The following UBE2L6 variants were observed in gnomAD, a reference collection of about 807,000 sequenced individuals.
UBE2L6 encodes ubiquitin/ISG15-conjugating enzyme E2 L6.
In UBE2L6, 11 loss-of-function variants were observed where a neutral mutation model predicts 13.6. The observed-to-expected ratio is 0.81, with a 90% CI of 0.51 to 1.34. UBE2L6 has a LOEUF of 1.34. Among genes scored for constraint, UBE2L6 ranks in the 40% most tolerant of loss-of-function variants. The pLI, the probability that UBE2L6 is intolerant of heterozygous loss-of-function variation, is 0.00. For missense variants in UBE2L6, 197 were observed against 199.5 expected (o/e 0.99, Z 0.07); for synonymous variants, 74 against 83.2 (o/e 0.89, Z 0.60).
At chr11:57,566,876 A>G (rs1227123626) in intron 1 of UBE2L6, 2 of 409,134 alleles carry the variant, frequency 4.9e-6, no homozygotes, top group Non-Finnish European at 9.9e-6. Flanking sequence ...ATCCTTCCAG[A>G]TCTTATTTCA....
intron 2 of UBE2L6, among the ~76,000 whole-genome samples, chr11:57,556,086 G>C (rs1332953362): frequency 6.6e-6 from 1 of 152,170 alleles, no homozygotes; most frequent in Non-Finnish European, 1.5e-5. Context: ...GCTGTCCTGT[G>C]CTAAGGGTTT....
chr11:57,554,776 G>A (rs1944985031), intron 2 of UBE2L6, among the ~76,000 whole-genome samples, 153 bp from the exon 3 acceptor site: 1 of 152,332 alleles, frequency 6.6e-6, no homozygotes, highest in South Asian at 2.1e-4. Flanking sequence ...TTGAGTCATG[G>A]ATTAGTGAAA....
chr11:57,554,599 C>T lies in UBE2L6; in HGVS notation c.148G>A (p.Ala50Thr), dbSNP rs199916226. ...GGGAAGCTGATGCGCAGGTTGAAGG[C>T]TTTCAGGTGGTAGGGAGGTTGGTCC... ...LPDQPPYHLK[A>T]FNLRISFPPE... Residue 50 changes from alanine to threonine, a missense_variant, in exon 3 of 4, where the codon GCC becomes ACC. Physicochemically the swap from Ala to Thr is moderately conservative, Grantham distance 58 (BLOSUM62 0). Transcript: ENST00000287156. 6.2e-7 allele frequency: 1 copy of T among 1,614,136 alleles called. No individual in the cohort carries two copies. Among genetic ancestry groups the T allele is most frequent in the South Asian group, 1.1e-5 (1 of 91,080 alleles).
At chr11:57,552,699 A>G (rs961202196) in intron 3 of UBE2L6, among the ~76,000 whole-genome samples, 190 bp from the exon 4 acceptor site, 2 of 152,186 alleles carry the variant, frequency 1.3e-5, no homozygotes, top group African/African-American at 4.8e-5. Context: ...GACTGATTAC[A>G]TCAGTGGTTT....
rs972666870 is a variant in UBE2L6 at position 57,551,804 on chromosome 11, C to T, written c.*554G>A. 1.3e-5 allele frequency: 2 copies of T among 152,698 alleles called. No homozygotes were observed. The highest frequency in any genetic ancestry group is 2.4e-5 in the African/African-American group (1 of 41,432). 9.5% of individuals were successfully genotyped at this position (152,698 alleles called of 1,614,324 possible). ...AACAGGATGGCAAGTGGTTTTGAAA[C>T]ATATAGATTTTCAGGATGGAAGTTT... On this transcript the variant is annotated 3_prime_UTR_variant, in exon 4 of 4. Transcript: ENST00000287156.
intron 1 of UBE2L6, chr11:57,566,943 G>GT: frequency 1.3e-5 from 1 of 75,876 alleles, no homozygotes; most frequent in Non-Finnish European, 2.7e-5. Flanking sequence ...GTTCATCTCT[G>GT]CCCGCCCCCC....
upstream of UBE2L6, chr11:57,567,706 C>T (rs1945105012): frequency 6.8e-7 from 1 of 1,467,554 alleles, no homozygotes. Flanking sequence ...GACCCCACCC[C>T]CGGCAGCCCC....
intron 1 of UBE2L6, among the ~76,000 whole-genome samples, chr11:57,565,500 GACT>G (rs1251993401): frequency 1.3e-5 from 2 of 151,408 alleles, no homozygotes; most frequent in East Asian, 3.9e-4. Context: ...AAGTAGCTAG[GACT>G]ACAGCAGTGT....
chr11:57,554,221 G>A (rs935942735), intron 3 of UBE2L6, among the ~76,000 whole-genome samples: 2 of 152,178 alleles, frequency 1.3e-5, no homozygotes, highest in African/African-American at 4.8e-5. Context: ...CCGCAGCAAC[G>A]TTCCTCTGTC....
At chr11:57,560,722 G>A (rs1476327129) in intron 1 of UBE2L6, among the ~76,000 whole-genome samples, 1 of 151,182 alleles carries the variant, frequency 6.6e-6, no homozygotes, top group East Asian at 1.9e-4. Context: ...CTGGGTTCAC[G>A]CCATTCTCCT....
chr11:57,566,084 T>A (rs1337247903), intron 1 of UBE2L6, among the ~76,000 whole-genome samples: 2 of 152,156 alleles, frequency 1.3e-5, no homozygotes, highest in Non-Finnish European at 2.9e-5. Context: ...TCTGCACTTG[T>A]AAGAGTTTCT....
At chr11:57,557,136 G>A (rs1372682379) in intron 2 of UBE2L6, among the ~76,000 whole-genome samples, 1 of 152,026 alleles carries the variant, frequency 6.6e-6, no homozygotes, top group Non-Finnish European at 1.5e-5. Flanking sequence ...CCTACCAGGA[G>A]GCGTATGGGT....
At chr11:57,555,752 A>T (rs532584510) in intron 2 of UBE2L6, among the ~76,000 whole-genome samples, 4 of 152,136 alleles carry the variant, frequency 2.6e-5, no homozygotes, top group Admixed American at 6.5e-5. Flanking sequence ...AATTAAAAAA[A>T]TTTTTTTGAT....
chr11:57,553,538 T>C (rs1160409680), intron 3 of UBE2L6, among the ~76,000 whole-genome samples: 5 of 152,012 alleles, frequency 3.3e-5, no homozygotes, highest in Non-Finnish European at 7.4e-5. Context: ...CAATTAAGAA[T>C]TGAGTTCTGG....
chr11:57,553,885 C>A (rs1320052645), intron 3 of UBE2L6, among the ~76,000 whole-genome samples: 1 of 152,188 alleles, frequency 6.6e-6, no homozygotes, highest in Non-Finnish European at 1.5e-5. Flanking sequence ...TGCGAGTCAG[C>A]CAAGTGCTGC....
chr11:57,565,794 T>C (rs1048072798), intron 1 of UBE2L6, among the ~76,000 whole-genome samples: 2 of 152,206 alleles, frequency 1.3e-5, no homozygotes, highest in African/African-American at 4.8e-5. Flanking sequence ...ATACAATGGA[T>C]ACATAACAGT....
chr11:57,556,624 G>GA, intron 2 of UBE2L6, among the ~76,000 whole-genome samples: 1 of 147,808 alleles, frequency 6.8e-6, no homozygotes, highest in Non-Finnish European at 1.5e-5. Context: ...AAGAGAGATG[G>GA]AGTAAAAAAA....
chr11:57,567,032 G>A, intron 1 of UBE2L6: 1 of 443,460 alleles, frequency 2.3e-6, no homozygotes, highest in Non-Finnish European at 4.4e-6. Context: ...CCTACTCCAG[G>A]AGGCCTTCCA....
intron 1 of UBE2L6, among the ~76,000 whole-genome samples, chr11:57,565,525 C>T (rs1033871869): frequency 1.3e-5 from 2 of 151,596 alleles, no homozygotes; most frequent in African/African-American, 4.8e-5. Context: ...CTACCATGCC[C>T]GGCTAATTTT....
Sources: gnomAD v4.1 joint callset for allele counts (sites outside exome capture counted in the v4.1 genomes callset) on GRCh38, gnomAD v4.1.1 for gene constraint, MANE v1.5 for transcripts, NCBI Gene and HGNC (gene_info 2026-07-23, HGNC 2026-07-21) for gene names.